FHIT: variants seen among roughly 807,000 people sequenced by gnomAD.
FHIT encodes the protein fragile histidine triad diadenosine triphosphatase.
Under a neutral mutation model 17.9 loss-of-function variants are expected in FHIT, and 19 were observed. The observed-to-expected ratio is 1.06, with a 90% CI of 0.74 to 1.56. The LOEUF (loss-of-function observed/expected upper bound fraction) is 1.56, where lower values mean the gene tolerates loss of function less well. Among genes scored for constraint, FHIT ranks in the 40% most tolerant of loss-of-function variants. The pLI is 0.00. For missense variants in FHIT, 248 were observed against 189.2 expected (o/e 1.31, Z -1.82); for synonymous variants, 81 against 69.7 (o/e 1.16, Z -0.81).
intron 8 of FHIT, among the ~76,000 whole-genome samples, chr3:59,817,061 AG>A (rs879501476): frequency 1.3e-5 from 2 of 152,214 alleles, no homozygotes; most frequent in Non-Finnish European, 1.5e-5. Flanking sequence ...CTCCAGATAC[AG>A]GCTGTGCTCT....
intron 5 of FHIT, among the ~76,000 whole-genome samples, chr3:60,268,161 A>C (rs1008491547): frequency 3.9e-5 from 6 of 152,174 alleles, no homozygotes; most frequent in Non-Finnish European, 8.8e-5. Flanking sequence ...TTAACACCCT[A>C]CTGCTTCAAC....
chr3:59,894,498 G>A (rs967463529), intron 8 of FHIT, among the ~76,000 whole-genome samples: 9 of 151,990 alleles, frequency 5.9e-5, no homozygotes, highest in Non-Finnish European at 1.3e-4. Flanking sequence ...TTGCCCATCA[G>A]GCTATCTGTG....
intron 3 of FHIT, among the ~76,000 whole-genome samples, chr3:61,000,551 G>A (rs1349425488): frequency 5.9e-5 from 9 of 152,056 alleles, no homozygotes; most frequent in Non-Finnish European, 1.2e-4. Context: ...AAAAGGTAGA[G>A]TGAACTCATT....
intron 4 of FHIT, among the ~76,000 whole-genome samples, chr3:60,579,168 AAAC>A (rs1248321207): frequency 3.9e-5 from 6 of 152,174 alleles, no homozygotes; most frequent in Admixed American, 3.3e-4. Flanking sequence ...GTCATAGCAC[AAAC>A]ATCATAAGAG....
chr3:60,235,648 G>A (rs1704744545), intron 5 of FHIT, among the ~76,000 whole-genome samples: 2 of 152,160 alleles, frequency 1.3e-5, no homozygotes, highest in Admixed American at 6.5e-5. Flanking sequence ...ATCATTGACA[G>A]TCTACAGTTA....
chr3:59,979,283 T>C (rs535472977), intron 7 of FHIT, among the ~76,000 whole-genome samples: 1 of 152,258 alleles, frequency 6.6e-6, no homozygotes, highest in East Asian at 1.9e-4. Context: ...CACAGGTTGT[T>C]TGTACAGTTA....
intron 4 of FHIT, among the ~76,000 whole-genome samples, chr3:60,652,486 C>T (rs2040014036): frequency 6.6e-6 from 1 of 152,116 alleles, no homozygotes; most frequent in Admixed American, 6.5e-5. Flanking sequence ...GTAATCCCAG[C>T]ACTTTGGGAG....
At position 60,934,674 on chromosome 3, in the gene FHIT, T is replaced by C. The variant is rs1708110800; in HGVS notation, c.-111+107373A>G. On this transcript the variant is annotated intron_variant, in intron 3 of 9. Transcript: ENST00000492590. ...AATGCTAAATCTCAAAGGAGTATCC[T>C]ACCTTGCTTAAGTACATGTAACAAA... Among the ~76,000 whole-genome samples the C allele has an allele frequency of 2.0e-5, 3 of 152,228 alleles. No individual in the cohort carries two copies. The South Asian group carries it at 6.2e-4, about 32-fold the overall frequency.
intron 4 of FHIT, among the ~76,000 whole-genome samples, chr3:60,598,103 C>T (rs1343714360): frequency 6.6e-6 from 1 of 152,116 alleles, no homozygotes; most frequent in Non-Finnish European, 1.5e-5. Flanking sequence ...AAGCACCCAC[C>T]ATCGAAGTTA....
chr3:60,142,484 A>AT (rs111979421), intron 5 of FHIT, among the ~76,000 whole-genome samples: 32,622 of 151,954 alleles, frequency 0.21, 3,652 homozygotes, highest in Middle Eastern at 0.27. Context: ...CAGGCTATTT[A>AT]TTTTTTAATT....
At chr3:59,773,073 TGA>T (rs1207482688) in intron 8 of FHIT, among the ~76,000 whole-genome samples, 1 of 152,226 alleles carries the variant, frequency 6.6e-6, no homozygotes, top group Non-Finnish European at 1.5e-5. Flanking sequence ...TTTTTTTGTT[TGA>T]GAGTTTCCAC....
chr3:59,976,087 G>T (rs911383779), intron 7 of FHIT, among the ~76,000 whole-genome samples: 24 of 152,174 alleles, frequency 1.6e-4, no homozygotes, highest in African/African-American at 5.8e-4. Flanking sequence ...TTTGCAAAAT[G>T]AGGAAACTAA....
Position 61,107,775 on chromosome 3 carries a change from TAGA to T in FHIT, c.-163-65679_-163-65677del, listed in dbSNP as rs577063459. 3.9e-3 allele frequency among the ~76,000 whole-genome samples: 588 copies of T among 152,288 alleles called. 1 individual carries two copies. The highest frequency in any genetic ancestry group is 0.013 in the African/African-American group (554 of 41,566). On this transcript the variant is annotated intron_variant, in intron 2 of 9. Coordinates refer to ENST00000492590, the MANE Select transcript of FHIT (RefSeq NM_002012.4). ...CAGAGACTCCAGTGCAGCTGCGTGGTAGAAGAAGATTTATGGACAGAAAAAGGA... is the reference window on the plus strand; with the variant it reads ...CAGAGACTCCAGTGCAGCTGCGTGGTAGAAGATTTATGGACAGAAAAAGGA...
At position 60,229,431 on chromosome 3, in the gene FHIT, A is replaced by T. The variant is rs1049023230; in HGVS notation, c.104-215279T>A. Among the ~76,000 whole-genome samples, 4 of 151,864 alleles carry T rather than the reference A, an allele frequency of 2.6e-5. No homozygotes were observed. The East Asian group carries it at 5.8e-4, about 22-fold the overall frequency. On this transcript the variant is annotated intron_variant, in intron 5 of 9. Transcript: ENST00000492590. The stretch of plus-strand genomic sequence containing the variant: ...GTGAGACATCATCAAAAAGAAAAAA[A>T]AAAAAAGAAAAAGAAAAGAAAAGAA...
intron 7 of FHIT, among the ~76,000 whole-genome samples, chr3:59,995,537 A>C (rs1353346818): frequency 6.6e-6 from 1 of 152,146 alleles, no homozygotes; most frequent in African/African-American, 2.4e-5. Flanking sequence ...ACACCAGAGT[A>C]ATGTTTTATT....
At chr3:59,811,372 C>CT (rs906158839) in intron 8 of FHIT, among the ~76,000 whole-genome samples, 1 of 152,108 alleles carries the variant, frequency 6.6e-6, no homozygotes, top group African/African-American at 2.4e-5. Context: ...CTTCGTGTTT[C>CT]TTTTTTTAGC....
At chr3:60,520,572 A>G (rs1357419834) in intron 5 of FHIT, among the ~76,000 whole-genome samples, 1 of 152,210 alleles carries the variant, frequency 6.6e-6, no homozygotes, top group Admixed American at 6.5e-5. Flanking sequence ...TGAACACTCC[A>G]AAATGAAGGT....
intron 5 of FHIT, among the ~76,000 whole-genome samples, chr3:60,297,991 C>T (rs916310444): frequency 6.6e-6 from 1 of 152,002 alleles, no homozygotes; most frequent in African/African-American, 2.4e-5. Flanking sequence ...GAGTGGCTCA[C>T]AGGACTCAGG....
At chr3:60,604,467 G>C (rs1437492693) in intron 4 of FHIT, among the ~76,000 whole-genome samples, 3 of 152,178 alleles carry the variant, frequency 2.0e-5, no homozygotes, top group Non-Finnish European at 1.5e-5. Context: ...GGAAGAGCCA[G>C]ACATGCATTT....
Sources: gnomAD v4.1 joint callset for allele counts (sites outside exome capture counted in the v4.1 genomes callset) on GRCh38, gnomAD v4.1.1 for gene constraint, MANE v1.5 for transcripts, NCBI Gene and HGNC (gene_info 2026-07-23, HGNC 2026-07-21) for gene names.